Variants in HDHD2 observed in about 807,000 individuals in gnomAD.
HDHD2 encodes the protein haloacid dehalogenase-like hydrolase domain-containing protein 2.
In HDHD2, 26 loss-of-function variants were observed where a neutral mutation model predicts 24.8. The observed-to-expected ratio is 1.05, with a 90% CI of 0.77 to 1.45. HDHD2 has a LOEUF of 1.45. HDHD2 is among the 40% of genes most tolerant of loss of function. HDHD2 has a pLI of 0.00. For synonymous variants in HDHD2, 128 were observed against 114.9 expected (o/e 1.11, Z -0.73); for missense variants, 299 against 313.4 (o/e 0.95, Z 0.35).
intron 4 of HDHD2, among the ~76,000 whole-genome samples, chr18:47,117,860 T>C (rs1359264251): frequency 6.6e-6 from 1 of 152,002 alleles, no homozygotes; most frequent in Non-Finnish European, 1.5e-5. Flanking sequence ...TTTATTGTGA[T>C]ACTTATTTTA....
In HDHD2 at chr18:47,107,962, A is replaced by T. The variant is rs1471670815; in HGVS notation, c.*720T>A. ...AAAATACTGATAGTTTTAATTTTAC[A>T]TAAAATTTCCAAAACAACTGTTACA... is the stretch of plus-strand genomic sequence containing the variant. On this transcript the variant is annotated 3_prime_UTR_variant, in exon 7 of 7. Transcript: ENST00000300605. The T allele has an allele frequency of 2.0e-5, 3 of 152,802 alleles. No individual in the cohort carries two copies. In the East Asian group the frequency reaches 5.8e-4, roughly 29 times the overall value. 9.5% of individuals were successfully genotyped at this position (152,802 alleles called of 1,614,324 possible). A position where few individuals can be genotyped will look rare whatever the true frequency, so the allele number is the denominator to read the frequency against.
intron 1 of HDHD2, among the ~76,000 whole-genome samples, chr18:47,147,428 C>G (rs1055054359): frequency 6.6e-6 from 1 of 152,120 alleles, no homozygotes; most frequent in South Asian, 2.1e-4. Flanking sequence ...AAGACTAGAC[C>G]GTTCCTAGGG....
intron 4 of HDHD2, among the ~76,000 whole-genome samples, chr18:47,126,597 G>C (rs1599939150): frequency 6.6e-6 from 1 of 152,098 alleles, no homozygotes; most frequent in African/African-American, 2.4e-5. Context: ...TTCTTAAAAA[G>C]GCTTCATCTA....
chr18:47,145,356 A>C (rs1271276255), intron 1 of HDHD2, among the ~76,000 whole-genome samples: 1 of 152,252 alleles, frequency 6.6e-6, no homozygotes, highest in African/African-American at 2.4e-5. Context: ...GCGTTGCTTT[A>C]CCTAATATCC....
intron 6 of HDHD2, chr18:47,110,510 G>A (rs1212917179): frequency 2.0e-6 from 2 of 984,978 alleles, no homozygotes; most frequent in Non-Finnish European, 2.4e-6. Flanking sequence ...TGGTCTAAGA[G>A]ACAAATAAAT....
intron 3 of HDHD2, 84 bp downstream of exon 3, chr18:47,134,408 GAATA>G: frequency 1.1e-6 from 1 of 925,984 alleles, no homozygotes; most frequent in South Asian, 1.6e-5. Context: ...GGGGAAATCA[GAATA>G]AACATCTCTA....
chr18:47,146,214 A>G (rs2063868355), intron 1 of HDHD2, among the ~76,000 whole-genome samples: 2 of 149,020 alleles, frequency 1.3e-5, no homozygotes, highest in Admixed American at 1.3e-4. Flanking sequence ...TGGGCGACAG[A>G]GCAAGAATGT....
At chr18:47,121,827 C>T (rs760460556) in intron 4 of HDHD2, among the ~76,000 whole-genome samples, 22 of 152,192 alleles carry the variant, frequency 1.4e-4, no homozygotes, top group Non-Finnish European at 3.1e-4. Flanking sequence ...CTTCAGCCCC[C>T]ATATGGTGCC....
intron 6 of HDHD2, 185 bp from the exon 7 acceptor site, chr18:47,108,970 C>A: frequency 1.8e-6 from 1 of 554,904 alleles, no homozygotes; most frequent in Non-Finnish European, 3.2e-6. Flanking sequence ...AAAGAAATGT[C>A]ACATTCAGCC....
chr18:47,130,906 C>T (rs893230014), intron 3 of HDHD2, among the ~76,000 whole-genome samples: 7 of 152,148 alleles, frequency 4.6e-5, no homozygotes, highest in Non-Finnish European at 1.0e-4. Context: ...TGTTTTAAGG[C>T]CTTGGCATCT....
intron 6 of HDHD2, chr18:47,111,724 CTT>C: frequency 2.0e-6 from 2 of 985,392 alleles, no homozygotes; most frequent in Non-Finnish European, 2.4e-6. Context: ...TGTTTTCACT[CTT>C]TGTGCAGACC....
chr18:47,111,848 C>CT, intron 6 of HDHD2: 1 of 979,900 alleles, frequency 1.0e-6, no homozygotes, highest in Non-Finnish European at 1.2e-6. Flanking sequence ...ATCATAGTCA[C>CT]TTTTTCTAAA....
At chr18:47,135,833 T>C (rs1276553540) in intron 2 of HDHD2, among the ~76,000 whole-genome samples, 2 of 152,204 alleles carry the variant, frequency 1.3e-5, no homozygotes, top group African/African-American at 4.8e-5. Context: ...GGTTGGTACA[T>C]GAGAAATATA....
chr18:47,122,243 T>C (rs1272649963), intron 4 of HDHD2, among the ~76,000 whole-genome samples: 2 of 152,244 alleles, frequency 1.3e-5, no homozygotes, highest in African/African-American at 4.8e-5. Context: ...GTAGGAAGTA[T>C]AGTAACTATA....
At chr18:47,114,360 T>C (rs533039083) in intron 5 of HDHD2, among the ~76,000 whole-genome samples, 8 of 152,230 alleles carry the variant, frequency 5.3e-5, no homozygotes, top group African/African-American at 1.9e-4. Context: ...GGCTTGGTGA[T>C]TCACCTCTTT....
chr18:47,130,116 G>C, intron 4 of HDHD2, 128 bp downstream of exon 4: 1 of 548,520 alleles, frequency 1.8e-6, no homozygotes, highest in South Asian at 2.9e-5. Flanking sequence ...TGATCTTGAA[G>C]ATGTCTATCC....
chr18:47,145,171 G>C (rs1599969888), intron 1 of HDHD2, among the ~76,000 whole-genome samples: 1 of 152,206 alleles, frequency 6.6e-6, no homozygotes, highest in Non-Finnish European at 1.5e-5. Context: ...CAAGGGAAAA[G>C]ACAAATTGCT....
Position 47,112,877 on chromosome 18 carries a change from A to G in HDHD2, c.676+100T>C, listed in dbSNP as rs1421581032. 1.4e-5 allele frequency: 14 copies of G among 967,678 alleles called. No homozygotes were observed. The East Asian group carries it at 3.6e-4, about 25-fold the overall frequency. The allele number at this position is 967,678 out of a possible 1,614,324, so 59.9% of individuals were successfully genotyped here. ...TTGCTTTGTGGCAGGAAGAGAATAA[A>G]AGTGCCCAGGGCTCTGCCATTTCTG... is the stretch of plus-strand genomic sequence containing the variant. On this transcript the variant is annotated intron_variant, in intron 6 of 6. Transcript: ENST00000300605.
chr18:47,149,385 C>A (rs759953457), intron 1 of HDHD2, among the ~76,000 whole-genome samples: 1 of 152,132 alleles, frequency 6.6e-6, no homozygotes, highest in Non-Finnish European at 1.5e-5. Flanking sequence ...TGGTTCCAGA[C>A]TTTTCTGGAA....
Sources: gnomAD v4.1 joint callset for allele counts (sites outside exome capture counted in the v4.1 genomes callset) on GRCh38, gnomAD v4.1.1 for gene constraint, MANE v1.5 for transcripts, NCBI Gene and HGNC (gene_info 2026-07-23, HGNC 2026-07-21) for gene names.